The following CSRP1 variants were observed in gnomAD, a reference collection of about 807,000 sequenced individuals.
The protein encoded by CSRP1 is cysteine and glycine-rich protein 1.
A neutral mutation model predicts 25.4 loss-of-function variants in CSRP1; 16 were observed. That is an observed-to-expected ratio of 0.63 (90% CI 0.43 to 0.96). The LOEUF (loss-of-function observed/expected upper bound fraction) is 0.96. Among genes scored for constraint, CSRP1 ranks in the 40% least tolerant of loss-of-function variants. The pLI, the probability that CSRP1 is intolerant of heterozygous loss-of-function variation, is 0.00. For missense variants in CSRP1, 212 were observed against 243.6 expected (o/e 0.87, Z 0.86); for synonymous variants, 97 against 95.3 (o/e 1.02, Z -0.10).
intron 4 of CSRP1, chr1:201,487,107 T>C (rs1255859929): frequency 1.8e-5 from 13 of 703,094 alleles, no homozygotes; most frequent in African/African-American, 3.8e-5. Flanking sequence ...TACTATCTCA[T>C]TTAATCATTA....
intron 1 of CSRP1, among the ~76,000 whole-genome samples, chr1:201,502,310 C>T (rs185161669): frequency 6.6e-6 from 1 of 152,356 alleles, no homozygotes; most frequent in Admixed American, 6.5e-5. Flanking sequence ...AGCTGAGCTG[C>T]TTGGTATCTG....
At chr1:201,485,173 A>G in intron 5 of CSRP1, 110 bp downstream of exon 5, 1 of 939,072 alleles carries the variant, frequency 1.1e-6, no homozygotes, top group Admixed American at 1.8e-5. Context: ...AGATGTTCAG[A>G]TCTTGGATCC....
intron 4 of CSRP1, chr1:201,488,357 T>C (rs1396002976): frequency 6.5e-6 from 1 of 152,806 alleles, no homozygotes; most frequent in Non-Finnish European, 1.5e-5. Context: ...CTCTGGTAGG[T>C]CTGAACCTTG....
intron 1 of CSRP1, among the ~76,000 whole-genome samples, chr1:201,497,854 A>G (rs527500218): frequency 6.6e-6 from 1 of 152,224 alleles, no homozygotes; most frequent in African/African-American, 2.4e-5. Flanking sequence ...TACTAAAAAT[A>G]GAAAAATTAG....
chr1:201,494,853 T>C (rs682542), intron 2 of CSRP1, among the ~76,000 whole-genome samples: 69,161 of 151,934 alleles, frequency 0.46, 16,995 homozygotes, highest in East Asian at 0.91. Context: ...TGTGCACGTG[T>C]GTGCGCATGT....
intron 2 of CSRP1, among the ~76,000 whole-genome samples, chr1:201,493,353 G>A (rs958272357): frequency 6.6e-6 from 1 of 152,172 alleles, no homozygotes; most frequent in Non-Finnish European, 1.5e-5. Context: ...CTCTCCTTGG[G>A]CCAAATGGAG....
intron 1 of CSRP1, among the ~76,000 whole-genome samples, chr1:201,504,357 G>A (rs912793798): frequency 1.3e-5 from 2 of 152,184 alleles, no homozygotes; most frequent in Non-Finnish European, 2.9e-5. Context: ...CACTGCAAGT[G>A]CAGATATCTG....
chr1:201,489,396 A>C lies in CSRP1; in HGVS notation c.282-412T>G, dbSNP rs377057138. ...CATCCATCATTTCCGTCCACCCCCC[A>C]GGCCGAGGAGCAAGCCAGGCTGACT... On this transcript the variant is annotated intron_variant, in intron 3 of 5. Transcript: ENST00000340006. The C allele has an allele frequency of 4.6e-5, 8 of 173,558 alleles. No individual in the cohort carries two copies. In the South Asian group the frequency reaches 1.1e-3, roughly 24 times the overall value. 10.8% of individuals were successfully genotyped at this position (173,558 alleles called of 1,614,324 possible).
intron 1 of CSRP1, among the ~76,000 whole-genome samples, chr1:201,505,922 C>T (rs1664811224): frequency 6.6e-6 from 1 of 152,168 alleles, no homozygotes. Context: ...GCCTCCTTAG[C>T]TTCTGGGAGG....
chr1:201,484,292 T>G lies in CSRP1; in HGVS notation c.*421A>C. 2.0e-6 allele frequency: 1 copy of G among 505,562 alleles called. No individual in the cohort carries two copies. The allele number at this position is 505,562 out of a possible 1,614,324, so 31.3% of individuals were successfully genotyped here. On this transcript the variant is annotated 3_prime_UTR_variant, in exon 6 of 6. Coordinates refer to ENST00000340006, the MANE Select transcript of CSRP1 (RefSeq NM_004078.3). ...CTCTGAGATCCAAAAAACCCAGCCT[T>G]CCCCCCTCCTCATCTTGGTCTTGCT... is the stretch of plus-strand genomic sequence containing the variant.
intron 1 of CSRP1, chr1:201,496,661 C>T (rs183738599): frequency 5.0e-4 from 126 of 251,436 alleles, no homozygotes; most frequent in Middle Eastern, 2.8e-3. Flanking sequence ...TCAACATGGA[C>T]GGATCTCAAA....
rs554211028 is a variant in CSRP1 at position 201,501,767 on chromosome 1, C to T, written c.-2+5303G>A. Among the ~76,000 whole-genome samples the T allele has an allele frequency of 4.6e-5, 7 of 152,104 alleles. No individual in the cohort carries two copies. The South Asian group carries it at 8.3e-4, about 18-fold the overall frequency. On this transcript the variant is annotated intron_variant, in intron 1 of 5. Coordinates refer to ENST00000340006, the MANE Select transcript of CSRP1 (RefSeq NM_004078.3). Reference sequence around the variant, plus strand: ...TTGCACTTTGGGAGGCTGAGGCAGGCGGATCACTTGAGGTCAGGAGTTCGA... The same window carrying T: ...TTGCACTTTGGGAGGCTGAGGCAGGTGGATCACTTGAGGTCAGGAGTTCGA...
At chr1:201,487,282 G>A (rs542023694) in intron 4 of CSRP1, 29 of 198,416 alleles carry the variant, frequency 1.5e-4, no homozygotes, top group African/African-American at 4.7e-4. Flanking sequence ...GTGTGGTGGC[G>A]CGTGCCTGTA....
At chr1:201,500,526 C>A (rs777530770) in intron 1 of CSRP1, among the ~76,000 whole-genome samples, 2 of 152,250 alleles carry the variant, frequency 1.3e-5, no homozygotes, top group Non-Finnish European at 2.9e-5. Context: ...TTAGTTAGGG[C>A]GAGGGTGGGG....
chr1:201,485,574 C>T, intron 4 of CSRP1, 198 bp from the exon 5 acceptor site: 3 of 579,052 alleles, frequency 5.2e-6, no homozygotes, highest in South Asian at 4.2e-5. Context: ...CGCCACCTCG[C>T]ACCATCTTCC....
chr1:201,504,002 A>G (rs1664741906), intron 1 of CSRP1, among the ~76,000 whole-genome samples: 1 of 152,236 alleles, frequency 6.6e-6, no homozygotes, highest in South Asian at 2.1e-4. Flanking sequence ...ACCCTGATCC[A>G]TCCAAGTGAA....
chr1:201,485,564 C>T (rs922310927), intron 4 of CSRP1, 188 bp from the exon 5 acceptor site: 24 of 584,766 alleles, frequency 4.1e-5, no homozygotes, highest in Non-Finnish European at 6.2e-5. Flanking sequence ...AGGGACCACA[C>T]GCCACCTCGC....
At chr1:201,493,855 G>A (rs1168571848) in intron 2 of CSRP1, among the ~76,000 whole-genome samples, 1 of 152,230 alleles carries the variant, frequency 6.6e-6, no homozygotes, top group Non-Finnish European at 1.5e-5. Context: ...CACTGGAAAA[G>A]AGAAATGATG....
At chr1:201,485,215 G>C (rs1192121856) in intron 5 of CSRP1, 68 bp downstream of exon 5, 1 of 1,375,846 alleles carries the variant, frequency 7.3e-7, no homozygotes, top group East Asian at 2.3e-5. Context: ...ATTCAGCAAA[G>C]GCAAAACTAC....
Sources: allele counts gnomAD v4.1 joint callset (sites outside exome capture counted in the v4.1 genomes callset), GRCh38; gene constraint gnomAD v4.1.1; transcripts MANE v1.5; gene names NCBI Gene and HGNC (gene_info 2026-07-23, HGNC 2026-07-21).